LRP1B: variants seen among roughly 807,000 people sequenced by gnomAD.
LRP1B encodes the protein LDL receptor related protein 1B, also known as low-density lipoprotein receptor-related protein 1B.
A neutral mutation model predicts 556.6 loss-of-function variants in LRP1B; 217 were observed. The observed-to-expected ratio is 0.39, with a 90% CI of 0.35 to 0.44. LRP1B has a LOEUF of 0.44. Ranked by LOEUF, LRP1B falls within the 20% of genes least tolerant of loss-of-function variation. The probability of loss-of-function intolerance (pLI) is 1.00; values close to 1 mark genes in which losing one functional copy is unlikely to be tolerated. For synonymous variants in LRP1B, 2,047 were observed against 1,865.8 expected (o/e 1.10, Z -2.50); for missense variants, 5,053 against 5,620.8 (o/e 0.90, Z 3.23).
intron 4 of LRP1B, 99 bp from the exon 5 acceptor site, chr2:141,247,453 A>G (rs1684109255): frequency 1.4e-6 from 2 of 1,411,618 alleles, no homozygotes; most frequent in Admixed American, 4.1e-5. Context: ...GAAATAGACT[A>G]TTAAGGAAAA....
At chr2:140,744,613 T>C (rs1559091331) in intron 35 of LRP1B, among the ~76,000 whole-genome samples, 1 of 152,236 alleles carries the variant, frequency 6.6e-6, no homozygotes, top group Non-Finnish European at 1.5e-5. Context: ...TGCCTTTCCA[T>C]GAATCTGTGC....
chr2:141,832,201 A>T (rs1324985564), intron 1 of LRP1B, among the ~76,000 whole-genome samples: 4 of 148,852 alleles, frequency 2.7e-5, no homozygotes, highest in African/African-American at 7.4e-5. Context: ...TGGTTCATTT[A>T]TTTTTTTTTT....
intron 2 of LRP1B, among the ~76,000 whole-genome samples, chr2:141,793,840 A>C (rs1362109784): frequency 6.6e-6 from 1 of 151,322 alleles, no homozygotes; most frequent in Non-Finnish European, 1.5e-5. Context: ...TTTTCTCTTC[A>C]TTTTCTTTTT....
At chr2:140,685,552 G>A (rs1449144112) in intron 41 of LRP1B, among the ~76,000 whole-genome samples, 1 of 152,082 alleles carries the variant, frequency 6.6e-6, no homozygotes, top group Non-Finnish European at 1.5e-5. Flanking sequence ...TACAATCTTT[G>A]CTTTTAACCA....
intron 7 of LRP1B, among the ~76,000 whole-genome samples, chr2:141,109,936 C>A (rs1425812285): frequency 6.6e-6 from 1 of 152,104 alleles, no homozygotes; most frequent in Non-Finnish European, 1.5e-5. Flanking sequence ...GTGTGGACAG[C>A]TCAATAGCCC....
At chr2:140,678,851 C>T (rs1159300617) in intron 41 of LRP1B, among the ~76,000 whole-genome samples, 1 of 150,144 alleles carries the variant, frequency 6.7e-6, no homozygotes, top group Admixed American at 6.7e-5. Flanking sequence ...AGTCTTGGCT[C>T]ACTGCAACCT....
intron 35 of LRP1B, among the ~76,000 whole-genome samples, chr2:140,760,576 G>A (rs1688884918): frequency 6.6e-6 from 1 of 152,242 alleles, no homozygotes; most frequent in Admixed American, 6.5e-5. Context: ...TTTTAAAATT[G>A]TTGTTGTTGC....
At chr2:140,899,000 C>A in intron 23 of LRP1B, 1 of 365,770 alleles carries the variant, frequency 2.7e-6, no homozygotes, top group South Asian at 2.4e-5. Flanking sequence ...AGCATGCTTT[C>A]ACAGAGCATC....
At chr2:140,993,323 T>G (rs755808555) in intron 16 of LRP1B, among the ~76,000 whole-genome samples, 1 of 152,080 alleles carries the variant, frequency 6.6e-6, no homozygotes, top group Admixed American at 6.6e-5. Context: ...TCTAATCAAA[T>G]ATATTCTCAA....
At chr2:141,535,680 A>T (rs965749469) in intron 2 of LRP1B, among the ~76,000 whole-genome samples, 8 of 152,130 alleles carry the variant, frequency 5.3e-5, no homozygotes, top group African/African-American at 1.9e-4. Flanking sequence ...CTCAGGCAAA[A>T]GTTTGGTACT....
intron 1 of LRP1B, among the ~76,000 whole-genome samples, chr2:141,958,963 C>G (rs1373489573): frequency 1.3e-5 from 2 of 151,950 alleles, no homozygotes; most frequent in Non-Finnish European, 2.9e-5. Flanking sequence ...GTGCTTCCAA[C>G]AAGCCATTCA....
intron 83 of LRP1B, among the ~76,000 whole-genome samples, chr2:140,301,043 ATAAAAT>A (rs1683799369): frequency 6.6e-6 from 1 of 152,124 alleles, no homozygotes; most frequent in Admixed American, 6.6e-5. Context: ...TTTATTTAAG[ATAAAAT>A]TAAATTTGAA....
At chr2:141,949,181 A>C (rs1276244872) in intron 1 of LRP1B, among the ~76,000 whole-genome samples, 1 of 152,132 alleles carries the variant, frequency 6.6e-6, no homozygotes, top group Non-Finnish European at 1.5e-5. Context: ...ATCCAATGAC[A>C]TTGCAGAAAG....
At chr2:140,451,768 A>G (rs566395259) in intron 62 of LRP1B, among the ~76,000 whole-genome samples, 1 of 146,622 alleles carries the variant, frequency 6.8e-6, no homozygotes, top group East Asian at 1.9e-4. Flanking sequence ...ATAAGGCTCA[A>G]CATTTTTTTT....
intron 27 of LRP1B, among the ~76,000 whole-genome samples, chr2:140,855,469 A>G (rs1385685623): frequency 9.4e-6 from 1 of 106,016 alleles, no homozygotes; most frequent in Non-Finnish European, 2.0e-5. Context: ...CCTAGGCAAG[A>G]CAGGTAGGTC....
At chr2:141,073,416 A>G (rs1208367284) in intron 7 of LRP1B, among the ~76,000 whole-genome samples, 3 of 151,684 alleles carry the variant, frequency 2.0e-5, no homozygotes, top group Non-Finnish European at 4.4e-5. Context: ...TTCCTCAGTT[A>G]CTTTCTCCAC....
chr2:140,994,046 C>T lies in LRP1B; in HGVS notation c.2593G>A (p.Asp865Asn), dbSNP rs2105358916. ...RHCIQARWKC[D>N]GDDDCLDGSD... ...CCGTCTAGGCAGTCATCGTCGCCATCACATTTCCACCGAGCTTGGATACAG... is the reference window on the plus strand; with the variant it reads ...CCGTCTAGGCAGTCATCGTCGCCATTACATTTCCACCGAGCTTGGATACAG... Residue 865 changes from aspartate to asparagine, a missense_variant, in exon 16 of 91, where the codon GAT (aspartate) becomes AAT (asparagine). Asp to Asn is a conservative substitution (Grantham distance 23). Coordinates refer to ENST00000389484, the MANE Select transcript of LRP1B (RefSeq NM_018557.3). 1 of 1,612,788 alleles carries T rather than the reference C, an allele frequency of 6.2e-7. No homozygotes were observed. Among genetic ancestry groups the T allele is most frequent in the Non-Finnish European group, 8.5e-7 (1 of 1,179,168 alleles).
chr2:141,530,310 A>C (rs930518897), intron 2 of LRP1B, among the ~76,000 whole-genome samples: 1 of 152,094 alleles, frequency 6.6e-6, no homozygotes, highest in African/African-American at 2.4e-5. Context: ...ATAGAGAATT[A>C]GGTTTTTACC....
In LRP1B at chr2:141,049,142, C is replaced by G. The variant is rs1698964713; in HGVS notation, c.1633G>C (p.Ala545Pro). 1 of 1,613,592 alleles carries G rather than the reference C, an allele frequency of 6.2e-7. No homozygotes were observed. Among genetic ancestry groups the G allele is most frequent in the Non-Finnish European group, 8.5e-7 (1 of 1,179,718 alleles). Residue 545 changes from alanine (A) to proline (P), a missense_variant, in exon 11 of 91, where the codon GCT becomes CCT. Ala to Pro is a conservative substitution (Grantham distance 27). Coordinates refer to ENST00000389484, the MANE Select transcript of LRP1B (RefSeq NM_018557.3). ...VRGMDLNTKI[A>P]DEYMIPIENL... ...TCTATGGGGATCATGTATTCATCAGCTATCTTGGTATTCAAGTCCATTCCT... is the reference window on the plus strand; with the variant it reads ...TCTATGGGGATCATGTATTCATCAGGTATCTTGGTATTCAAGTCCATTCCT...
Sources: gnomAD v4.1 joint callset for allele counts (sites outside exome capture counted in the v4.1 genomes callset) on GRCh38, gnomAD v4.1.1 for gene constraint, MANE v1.5 for transcripts, NCBI Gene and HGNC (gene_info 2026-07-23, HGNC 2026-07-21) for gene names.